NFKB1: variants seen among roughly 807,000 people sequenced by gnomAD.
NFKB1 encodes nuclear factor NF-kappa-B p105 subunit.
Under a neutral mutation model 105.1 loss-of-function variants are expected in NFKB1, and 9 were observed. The observed-to-expected ratio is 0.09, with a 90% CI of 0.05 to 0.15. NFKB1 has a LOEUF of 0.15. NFKB1 is among the 10% of genes least tolerant of loss of function. The probability of loss-of-function intolerance (pLI) is 1.00; values close to 1 mark genes in which losing one functional copy is unlikely to be tolerated. For synonymous variants in NFKB1, 440 were observed against 442.2 expected (o/e 1.00, Z 0.06); for missense variants, 830 against 1,203.7 (o/e 0.69, Z 4.59).
intron 2 of NFKB1, among the ~76,000 whole-genome samples, chr4:102,528,756 A>G (rs915231932): frequency 1.1e-4 from 17 of 152,196 alleles, no homozygotes; most frequent in African/African-American, 3.9e-4. Context: ...ATGAATAGTA[A>G]TTTATTAAGA....
At chr4:102,524,878 C>T (rs1470612255) in intron 1 of NFKB1, among the ~76,000 whole-genome samples, 1 of 152,146 alleles carries the variant, frequency 6.6e-6, no homozygotes, top group Non-Finnish European at 1.5e-5. Flanking sequence ...GTAATGCAAG[C>T]GATGGGGAGC....
chr4:102,518,091 C>T (rs1223735406), intron 1 of NFKB1, among the ~76,000 whole-genome samples: 2 of 151,984 alleles, frequency 1.3e-5, no homozygotes, highest in African/African-American at 2.4e-5. Context: ...ATCCAAGAAA[C>T]AACATGAAGA....
chr4:102,609,158 C>CAAAAAAAAAAAA (rs372174091), intron 19 of NFKB1, among the ~76,000 whole-genome samples: 53 of 97,340 alleles, frequency 5.4e-4, no homozygotes, highest in East Asian at 1.4e-3. Flanking sequence ...GACCCTGTCT[C>CAAAAAAAAAAAA]AAAAAAAAAA....
At chr4:102,512,889 T>C (rs573350696) in intron 1 of NFKB1, among the ~76,000 whole-genome samples, 23 of 152,378 alleles carry the variant, frequency 1.5e-4, no homozygotes, top group African/African-American at 5.5e-4. Context: ...CATATTTTTA[T>C]GGATTTTTGA....
chr4:102,574,780 C>T (rs1724678024), intron 6 of NFKB1, among the ~76,000 whole-genome samples: 1 of 152,138 alleles, frequency 6.6e-6, no homozygotes, highest in African/African-American at 2.4e-5. Context: ...TTTACTCTAT[C>T]GTTACCTGAA....
Position 102,614,639 on chromosome 4 carries a change from C to T in NFKB1, c.2749+1058C>T, listed in dbSNP as rs183284994. 1.4e-4 allele frequency among the ~76,000 whole-genome samples: 22 copies of T among 152,194 alleles called. No homozygotes were observed. In the South Asian group the frequency reaches 3.7e-3, roughly 26 times the overall value. The stretch of plus-strand genomic sequence containing the variant: ...CCAGGCCTGCTGTCCTCACAGTGAC[C>T]GGTCACCTCCACATTGCCAGATCTG... On this transcript the variant is annotated intron_variant, in intron 23 of 23. Transcript: ENST00000226574.
intron 20 of NFKB1, among the ~76,000 whole-genome samples, chr4:102,611,056 AG>A (rs1728361720): frequency 6.6e-6 from 1 of 152,236 alleles, no homozygotes; most frequent in Admixed American, 6.5e-5. Context: ...CTTAGGACTT[AG>A]GTAAGTGATT....
chr4:102,612,158 C>T, intron 21 of NFKB1, 48 bp downstream of exon 21: 1 of 1,515,796 alleles, frequency 6.6e-7, no homozygotes. Context: ...TATCTCCACA[C>T]TGTCATTTAA....
intron 1 of NFKB1, among the ~76,000 whole-genome samples, chr4:102,517,440 C>T (rs1263487171): frequency 6.6e-6 from 1 of 152,120 alleles, no homozygotes; most frequent in African/African-American, 2.4e-5. Context: ...TGCAGTGCTT[C>T]TTAAAATTAA....
chr4:102,616,748 C>T lies in NFKB1; in HGVS notation c.*154C>T, dbSNP rs1728978293. 1 of 737,346 alleles carries T rather than the reference C, an allele frequency of 1.4e-6. No homozygotes were observed. The highest frequency in any genetic ancestry group is 2.8e-5 in the East Asian group (1 of 36,134). The allele number at this position is 737,346 out of a possible 1,614,324, so 45.7% of individuals were successfully genotyped here. A position where few individuals can be genotyped will look rare whatever the true frequency, so the allele number is the denominator to read the frequency against. On this transcript the variant is annotated 3_prime_UTR_variant, in exon 24 of 24. Coordinates refer to ENST00000226574, the MANE Select transcript of NFKB1 (RefSeq NM_003998.4). ...ACTCGAGACCTTTTCAACTTGGCTT[C>T]CTTTCTTGGTTCATAAATGAATTTT...
chr4:102,553,580 T>G (rs1329310063), intron 5 of NFKB1, among the ~76,000 whole-genome samples: 1 of 152,184 alleles, frequency 6.6e-6, no homozygotes, highest in Non-Finnish European at 1.5e-5. Context: ...CTTCCTCTAA[T>G]TATTTTTATG....
intron 1 of NFKB1, among the ~76,000 whole-genome samples, chr4:102,516,216 G>A (rs560756088): frequency 4.5e-4 from 68 of 151,932 alleles, no homozygotes; most frequent in Non-Finnish European, 9.1e-4. Flanking sequence ...CAGTTTGGCT[G>A]TAATATGCCT....
rs75248827 is a variant in NFKB1 at position 102,585,809 on chromosome 4, G to T, written c.1066+989G>T. On this transcript the variant is annotated intron_variant, in intron 11 of 23. Coordinates refer to ENST00000226574, the MANE Select transcript of NFKB1 (RefSeq NM_003998.4). ...CATTTGGGGTATATTTCAGCAGTTGGGTGTTAAACAGAGAAGGAGAGGGTT... is the reference window on the plus strand; with the variant it reads ...CATTTGGGGTATATTTCAGCAGTTGTGTGTTAAACAGAGAAGGAGAGGGTT... 8.8e-3 allele frequency among the ~76,000 whole-genome samples: 1,344 copies of T among 152,162 alleles called. 15 individuals are homozygous for T. The highest frequency in any genetic ancestry group is 0.03 in the African/African-American group (1,241 of 41,506).
In NFKB1 at chr4:102,526,890, C is replaced by T. The variant is rs114793258; in HGVS notation, c.39+1333C>T. Among the ~76,000 whole-genome samples the T allele has an allele frequency of 5.1e-3, 774 of 151,514 alleles. 6 individuals are homozygous for T. The highest frequency in any genetic ancestry group is 0.018 in the African/African-American group (744 of 41,324). ...ACAAATCTACATTGGTTCTTAAAAC[C>T]GACATTTTCGCTTTTCTCTTTGCTC... On this transcript the variant is annotated intron_variant, in intron 2 of 23. Coordinates refer to ENST00000226574, the MANE Select transcript of NFKB1 (RefSeq NM_003998.4).
At chr4:102,551,544 C>T (rs58775204) in intron 5 of NFKB1, among the ~76,000 whole-genome samples, 1 of 152,020 alleles carries the variant, frequency 6.6e-6, no homozygotes, top group South Asian at 2.1e-4. Context: ...TCTCAGTCAC[C>T]GTAAGAAGAA....
intron 5 of NFKB1, among the ~76,000 whole-genome samples, chr4:102,547,675 A>G (rs1034579970): frequency 5.3e-5 from 8 of 152,202 alleles, no homozygotes; most frequent in African/African-American, 1.9e-4. Context: ...TTATATAACC[A>G]AATACACTAC....
At position 102,514,472 on chromosome 4, in the gene NFKB1, G is replaced by A. The variant is rs528921094; in HGVS notation, c.-7-11040G>A. Among the ~76,000 whole-genome samples the A allele has an allele frequency of 3.9e-5, 6 of 152,264 alleles. No individual in the cohort carries two copies. In the South Asian group the frequency reaches 8.3e-4, roughly 21 times the overall value. On this transcript the variant is annotated intron_variant, in intron 1 of 23. Transcript: ENST00000226574. ...CCGCCCTCTGCCAGTTGCGGACACA[G>A]CATTCCTCCCCTCTAGAGGATGCAT...
intron 1 of NFKB1, among the ~76,000 whole-genome samples, chr4:102,516,082 G>C (rs1240514891): frequency 6.6e-6 from 1 of 151,382 alleles, no homozygotes; most frequent in Non-Finnish European, 1.5e-5. Flanking sequence ...AGCTTGTACT[G>C]TATCTAATGA....
rs1157236592 is a variant in NFKB1 at position 102,602,021 on chromosome 4, T to C, written c.1752+1012T>C. Among the ~76,000 whole-genome samples, 3 of 152,172 alleles carry C rather than the reference T, an allele frequency of 2.0e-5. No individual in the cohort carries two copies. In the East Asian group the frequency reaches 5.8e-4, roughly 29 times the overall value. On this transcript the variant is annotated intron_variant, in intron 16 of 23. Transcript: ENST00000226574. ...TGGTTTGCTGGTTCACGTGTATCTCTCACTCCAAAACTATGGCCAAAATCC... is the reference window on the plus strand; with the variant it reads ...TGGTTTGCTGGTTCACGTGTATCTCCCACTCCAAAACTATGGCCAAAATCC...
Sources: gnomAD v4.1 joint callset for allele counts (sites outside exome capture counted in the v4.1 genomes callset) on GRCh38, gnomAD v4.1.1 for gene constraint, MANE v1.5 for transcripts, NCBI Gene and HGNC (gene_info 2026-07-23, HGNC 2026-07-21) for gene names.